Variants in TAS2R1 observed in about 807,000 individuals in gnomAD.
TAS2R1 encodes taste receptor type 2 member 1.
For synonymous variants in TAS2R1, 141 were observed against 134.2 expected (o/e 1.05, Z -0.35); for missense variants, 370 against 353.4 (o/e 1.05, Z -0.38).
Position 9,641,247 on chromosome 5 carries a change from A to G in TAS2R1, c.-80-11255T>C, listed in dbSNP as rs150372722. On this transcript the variant is annotated intron_variant, in intron 2 of 2. Coordinates refer to the TAS2R1 transcript ENST00000506620. ...TCGGATTCTAGGATCCTGAGGGGCC[A>G]TTTGGTTCTCAGATATTCTATTACA... is the stretch of plus-strand genomic sequence containing the variant. The G allele has an allele frequency of 8.6e-4, 131 of 152,322 alleles. 1 individual carries two copies. The highest frequency in any genetic ancestry group is 2.9e-3 in the African/African-American group (122 of 41,580). 9.4% of individuals were successfully genotyped at this position (152,322 alleles called of 1,614,324 possible). A position where few individuals can be genotyped will look rare whatever the true frequency, so the allele number is the denominator to read the frequency against.
chr5:9,820,372 A>G, the TAS2R1 span, among the ~76,000 whole-genome samples: 2 of 152,222 alleles, frequency 1.3e-5, no homozygotes, highest in African/African-American at 4.8e-5. Flanking sequence ...TAAAATTTTC[A>G]TACCCCAAAG....
the TAS2R1 span, among the ~76,000 whole-genome samples, chr5:9,809,880 C>G: frequency 1.3e-5 from 2 of 152,150 alleles, no homozygotes; most frequent in Non-Finnish European, 2.9e-5. Context: ...TTTTTTAAAA[C>G]GCACCTTCTT....
chr5:9,677,264 G>A (rs1175181950), intron 1 of TAS2R1, among the ~76,000 whole-genome samples: 2 of 152,118 alleles, frequency 1.3e-5, no homozygotes, highest in Non-Finnish European at 2.9e-5. Flanking sequence ...GGAGGGTGAA[G>A]GGTGGGAGGA....
chr5:9,831,218 G>A, the TAS2R1 span, among the ~76,000 whole-genome samples: 3,475 of 151,832 alleles, frequency 0.023, 37 homozygotes, highest in Non-Finnish European at 0.035. Context: ...ATTTGAGAAC[G>A]TTATCAACAA....
the TAS2R1 span, among the ~76,000 whole-genome samples, chr5:9,728,399 C>T: frequency 0.1 from 15,481 of 152,234 alleles, 1,002 homozygotes; most frequent in Middle Eastern, 0.15. Flanking sequence ...AGTGTTTTCA[C>T]GACCTGAAAT....
At chr5:9,819,511 TC>T in the TAS2R1 span, among the ~76,000 whole-genome samples, 1 of 152,314 alleles carries the variant, frequency 6.6e-6, no homozygotes. Flanking sequence ...CGTCTTGGGC[TC>T]CATCCTCAGG....
the TAS2R1 span, among the ~76,000 whole-genome samples, chr5:9,729,795 C>T: frequency 4.7e-4 from 71 of 152,052 alleles, no homozygotes; most frequent in African/African-American, 1.4e-3. Flanking sequence ...ATATGTGGGC[C>T]GGCTCAGTGA....
chr5:9,673,548 T>C (rs1181708994), intron 1 of TAS2R1, among the ~76,000 whole-genome samples: 1 of 151,894 alleles, frequency 6.6e-6, no homozygotes, highest in Non-Finnish European at 1.5e-5. Context: ...TTATAAATAC[T>C]GAAATTCAAA....
chr5:9,740,467 T>TCTC, the TAS2R1 span, among the ~76,000 whole-genome samples: 1 of 152,200 alleles, frequency 6.6e-6, no homozygotes, highest in Non-Finnish European at 1.5e-5. Context: ...GGTGTAGTTC[T>TCTC]CTCTTCACTC....
chr5:9,698,716 C>T (rs1170648171), intron 1 of TAS2R1, among the ~76,000 whole-genome samples: 1 of 152,100 alleles, frequency 6.6e-6, no homozygotes, highest in African/African-American at 2.4e-5. Flanking sequence ...GGCAGAGTGT[C>T]CTGGAAATGC....
intron 1 of TAS2R1, among the ~76,000 whole-genome samples, chr5:9,702,475 T>C (rs765902855): frequency 3.3e-5 from 5 of 152,072 alleles, no homozygotes; most frequent in Non-Finnish European, 7.4e-5. Context: ...CAAACTGCCG[T>C]TGGTGCCGAG....
chr5:9,718,260 C>CAT, the TAS2R1 span, among the ~76,000 whole-genome samples: 2 of 151,496 alleles, frequency 1.3e-5, no homozygotes, highest in Non-Finnish European at 2.9e-5. Context: ...TGAGCCACTG[C>CAT]GCCCAGCCAC....
chr5:9,753,120 C>T, the TAS2R1 span, among the ~76,000 whole-genome samples: 1 of 152,190 alleles, frequency 6.6e-6, no homozygotes, highest in Non-Finnish European at 1.5e-5. Context: ...TGAAGAATCG[C>T]CACACTGACT....
the TAS2R1 span, among the ~76,000 whole-genome samples, chr5:9,726,989 T>C: frequency 2.0e-5 from 3 of 152,230 alleles, no homozygotes; most frequent in Non-Finnish European, 2.9e-5. Flanking sequence ...TAAAACGGAA[T>C]GTGTACATGG....
At chr5:9,769,735 A>G in the TAS2R1 span, among the ~76,000 whole-genome samples, 3 of 151,902 alleles carry the variant, frequency 2.0e-5, no homozygotes, top group African/African-American at 7.3e-5. Flanking sequence ...CTATTTGGAT[A>G]TTTTGCCCAT....
At chr5:9,671,370 T>A (rs1371537246) in intron 1 of TAS2R1, among the ~76,000 whole-genome samples, 2 of 152,066 alleles carry the variant, frequency 1.3e-5, no homozygotes, top group African/African-American at 2.4e-5. Context: ...TGACAGACAA[T>A]ATGATTTACA....
chr5:9,643,271 A>G (rs932256804), intron 2 of TAS2R1, among the ~76,000 whole-genome samples: 2 of 152,192 alleles, frequency 1.3e-5, no homozygotes, highest in Non-Finnish European at 2.9e-5. Flanking sequence ...CTTAGGCTGT[A>G]TGGTATAGTC....
the TAS2R1 span, among the ~76,000 whole-genome samples, chr5:9,779,778 C>A: frequency 6.6e-6 from 1 of 152,056 alleles, no homozygotes; most frequent in Non-Finnish European, 1.5e-5. Context: ...TACACAGAGA[C>A]CTGAAGTGAG....
chr5:9,642,963 C>T (rs1212720781), intron 2 of TAS2R1, among the ~76,000 whole-genome samples: 1 of 151,454 alleles, frequency 6.6e-6, no homozygotes, highest in Non-Finnish European at 1.5e-5. Context: ...CTTTCTTTCC[C>T]TTCTTTCCTT....
Sources: gnomAD v4.1 joint callset for allele counts (sites outside exome capture counted in the v4.1 genomes callset) on GRCh38, gnomAD v4.1.1 for gene constraint, MANE v1.5 for transcripts, NCBI Gene and HGNC (gene_info 2026-07-23, HGNC 2026-07-21) for gene names.